ANKRD31: variants seen among roughly 807,000 people sequenced by gnomAD.
ANKRD31 encodes ankyrin repeat domain 31.
ANKRD31 carries 147 observed loss-of-function variants against 186.0 expected under a neutral mutation model. The ratio of observed to expected loss-of-function variants is 0.79; its 90% CI spans 0.69 to 0.91. The LOEUF (loss-of-function observed/expected upper bound fraction) is 0.91, where lower values mean the gene tolerates loss of function less well. ANKRD31 is among the 40% of genes least tolerant of loss of function. ANKRD31 has a pLI of 0.00. For synonymous variants in ANKRD31, 673 were observed against 736.4 expected, an observed-to-expected ratio of 0.91 and a Z score of 1.39; for missense variants, 1,986 against 2,148.8, an observed-to-expected ratio of 0.92 and a Z score of 1.50.
intron 19 of ANKRD31, among the ~76,000 whole-genome samples, chr5:75,113,942 A>T (rs1180577285): frequency 1.3e-5 from 2 of 152,170 alleles, no homozygotes; most frequent in Non-Finnish European, 2.9e-5. Flanking sequence ...TTTTGGTGCC[A>T]ACTTTCCTTT....
At chr5:75,181,377 A>G (rs1412864699) in intron 10 of ANKRD31, among the ~76,000 whole-genome samples, 1 of 152,206 alleles carries the variant, frequency 6.6e-6, no homozygotes, top group Admixed American at 6.5e-5. Context: ...CAGCCATCCC[A>G]TTACTGGGTA....
intron 2 of ANKRD31, chr5:75,225,708 C>T (rs921600510): frequency 1.2e-5 from 2 of 162,146 alleles, no homozygotes; most frequent in African/African-American, 4.8e-5. Context: ...GGTTTCATGT[C>T]AGACCCAGCA....
rs1475403290 is a variant in ANKRD31, at chr5:75,147,154, C to G, written c.2257G>C (p.Val753Leu). ...VDCNPRKILAVSPSRRINRLV... is the reference protein window; with the variant it reads ...VDCNPRKILALSPSRRINRLV... ...CTGTTTATTCTCCTGGAAGGAGAGACAGCTAGTATCTTTCTTGGATTACAG... is the reference window on the plus strand; with the variant it reads ...CTGTTTATTCTCCTGGAAGGAGAGAGAGCTAGTATCTTTCTTGGATTACAG... The change falls in exon 14 of 26, where the codon GTC becomes CTC. Residue 753 changes from valine (V) to leucine (L), a missense_variant. By Grantham distance (32) the Val-to-Leu change is conservative. Transcript: ENST00000506364. 1 of 1,536,262 alleles carries G rather than the reference C, an allele frequency of 6.5e-7. No homozygotes were observed. Among genetic ancestry groups the G allele is most frequent in the Non-Finnish European group, 8.7e-7 (1 of 1,146,272 alleles).
At chr5:75,087,951 C>T (rs1031197097) in intron 23 of ANKRD31, among the ~76,000 whole-genome samples, 1 of 152,108 alleles carries the variant, frequency 6.6e-6, no homozygotes, top group Admixed American at 6.6e-5. Flanking sequence ...AAGAGAAAGC[C>T]CTTCACATTA....
chr5:75,161,721 G>C (rs1752581199), intron 11 of ANKRD31, among the ~76,000 whole-genome samples: 1 of 152,204 alleles, frequency 6.6e-6, no homozygotes, highest in Non-Finnish European at 1.5e-5. Context: ...GCCAGGGCCA[G>C]GGTCCCGATG....
At chr5:75,117,868 C>T (rs373207114) in intron 18 of ANKRD31, among the ~76,000 whole-genome samples, 5 of 152,096 alleles carry the variant, frequency 3.3e-5, no homozygotes, top group African/African-American at 9.7e-5. Flanking sequence ...CTATCTCAAA[C>T]CCAATGTTAG....
chr5:75,151,691 C>A (rs1363042087), intron 12 of ANKRD31, among the ~76,000 whole-genome samples: 1 of 151,972 alleles, frequency 6.6e-6, no homozygotes, highest in Non-Finnish European at 1.5e-5. Flanking sequence ...CTTTAAATTT[C>A]ATTTAAAACC....
Position 75,116,567 on chromosome 5 carries a change from A to T in ANKRD31, c.4154T>A (p.Val1385Glu). Residue 1385 changes from valine to glutamate, a missense_variant and splice_region_variant, in exon 19 of 26, where the codon GTG (valine) becomes GAG (glutamate). Physicochemically the swap from Val to Glu is moderately radical, Grantham distance 121. Transcript: ENST00000506364. ...CAAAGTAATTTTAACTTCACTCACCACAGAAAGGCTTTCTCTTGATCTTTC... is the reference window on the plus strand; with the variant it reads ...CAAAGTAATTTTAACTTCACTCACCTCAGAAAGGCTTTCTCTTGATCTTTC... ...HQERSRESLS[V>E]HQTLSAILQD... The T allele has an allele frequency of 7.1e-7, 1 of 1,402,286 alleles. No individual in the cohort carries two copies. Among genetic ancestry groups the T allele is most frequent in the Middle Eastern group, 1.8e-4 (1 of 5,426 alleles). The allele number at this position is 1,402,286 out of a possible 1,614,324, so 86.9% of individuals were successfully genotyped here.
intron 5 of ANKRD31, among the ~76,000 whole-genome samples, chr5:75,206,079 T>C (rs1756156693): frequency 6.6e-6 from 1 of 151,114 alleles, no homozygotes; most frequent in East Asian, 1.9e-4. Context: ...TGATTTCATA[T>C]TTATAAACAT....
At chr5:75,081,509 T>C (rs2150013861) in intron 24 of ANKRD31, among the ~76,000 whole-genome samples, 1 of 152,308 alleles carries the variant, frequency 6.6e-6, no homozygotes, top group East Asian at 1.9e-4. Context: ...AGGAGATACC[T>C]ATCTAGGGTT....
chr5:75,137,642 T>C (rs1489893413), intron 17 of ANKRD31, among the ~76,000 whole-genome samples: 1 of 152,172 alleles, frequency 6.6e-6, no homozygotes, highest in East Asian at 1.9e-4. Context: ...TGCATGTATT[T>C]TGTGATGAAG....
intron 17 of ANKRD31, among the ~76,000 whole-genome samples, chr5:75,135,768 A>G (rs1750521510): frequency 6.6e-6 from 1 of 152,206 alleles, no homozygotes; most frequent in African/African-American, 2.4e-5. Context: ...TTCAAACTAT[A>G]CAACAAGGCT....
intron 11 of ANKRD31, among the ~76,000 whole-genome samples, chr5:75,157,135 T>A (rs568908383): frequency 6.6e-6 from 1 of 152,276 alleles, no homozygotes; most frequent in Non-Finnish European, 1.5e-5. Flanking sequence ...ACCTGTATCA[T>A]CTTAGATAAT....
At chr5:75,214,584 GC>G (rs1756853264) in intron 3 of ANKRD31, among the ~76,000 whole-genome samples, 2 of 152,286 alleles carry the variant, frequency 1.3e-5, no homozygotes, top group South Asian at 4.1e-4. Flanking sequence ...GGCCTTGCCA[GC>G]CCTGATCCTT....
chr5:75,166,592 C>T (rs1337570532), intron 11 of ANKRD31, among the ~76,000 whole-genome samples: 1 of 152,110 alleles, frequency 6.6e-6, no homozygotes, highest in East Asian at 1.9e-4. Flanking sequence ...TGCCAACAAA[C>T]CCCTTCATTT....
Position 75,104,751 on chromosome 5 carries a change from G to A in ANKRD31, c.4808C>T (p.Pro1603Leu). 1 of 1,537,192 alleles carries A rather than the reference G, an allele frequency of 6.5e-7. No individual in the cohort carries two copies. Among genetic ancestry groups the A allele is most frequent in the South Asian group, 1.2e-5 (1 of 84,062 alleles). The change falls in exon 22 of 26, where the codon CCA (proline) becomes CTA (leucine). Residue 1603 changes from proline to leucine, a missense_variant. Coordinates refer to ENST00000506364, the MANE Select transcript of ANKRD31 (RefSeq NM_001372053.1). The part of the protein sequence containing the change: ...HSDGTEKNKL[P>L]SQPVAFIGQT... Reference sequence around the variant, plus strand: ...ACCAATAAAAGCAACAGGTTGGGATGGTAATTTATTCTTCTCTGTGCCATC... The same window carrying A: ...ACCAATAAAAGCAACAGGTTGGGATAGTAATTTATTCTTCTCTGTGCCATC...
At chr5:75,105,750 G>T (rs1007682712) in intron 21 of ANKRD31, among the ~76,000 whole-genome samples, 3 of 152,162 alleles carry the variant, frequency 2.0e-5, no homozygotes, top group Admixed American at 6.6e-5. Context: ...AGAAAAGTTA[G>T]TTCCCCAAGT....
intron 20 of ANKRD31, among the ~76,000 whole-genome samples, chr5:75,110,942 A>G (rs1178063506): frequency 6.6e-6 from 1 of 151,692 alleles, no homozygotes; most frequent in Non-Finnish European, 1.5e-5. Context: ...AAATGCTTAT[A>G]TAATTTGACC....
rs1264946657 is a variant in ANKRD31 at position 75,146,351 on chromosome 5, C to A, written c.3060G>T (p.Glu1020Asp). The part of the protein sequence containing the change: ...LACMRTLLTH[E>D]ASKLTNHVEL... ...CCACATGATTAGTCAACTTTGAAGC[C>A]TCATGTGTCAAAAGTGTTCTCATAC... is the stretch of plus-strand genomic sequence containing the variant. The change falls in exon 14 of 26, where the codon GAG becomes GAT. Residue 1020 changes from glutamate (E) to aspartate (D), a missense_variant. Glu to Asp is a conservative substitution (Grantham distance 45). Transcript: ENST00000506364. 1 of 1,536,396 alleles carries A rather than the reference C, an allele frequency of 6.5e-7. No homozygotes were observed. Among genetic ancestry groups the A allele is most frequent in the Non-Finnish European group, 8.7e-7 (1 of 1,146,512 alleles).
Sources: allele counts gnomAD v4.1 joint callset (sites outside exome capture counted in the v4.1 genomes callset), GRCh38; gene constraint gnomAD v4.1.1; transcripts MANE v1.5; gene names NCBI Gene and HGNC (gene_info 2026-07-23, HGNC 2026-07-21).